SLC8A1: variants seen among roughly 807,000 people sequenced by gnomAD.
SLC8A1 encodes solute carrier family 8 member A1.
Under a neutral mutation model 68.3 loss-of-function variants are expected in SLC8A1, and 18 were observed. The observed-to-expected ratio is 0.26, with a 90% CI of 0.18 to 0.39. SLC8A1 has a LOEUF of 0.39. Ranked by LOEUF, SLC8A1 falls within the 10% of genes least tolerant of loss-of-function variation. SLC8A1 has a pLI of 1.00. For synonymous variants in SLC8A1, 475 were observed against 415.5 expected (o/e 1.14, Z -1.74); for missense variants, 985 against 1,156.7 (o/e 0.85, Z 2.15).
chr2:40,284,563 T>C lies in SLC8A1; in HGVS notation c.1809-106708A>G, dbSNP rs371520957. On this transcript the variant is annotated intron_variant, in intron 2 of 7. Coordinates refer to ENST00000406785, the Ensembl canonical transcript of SLC8A1. ...CTATTTATATATATGTTGTTATATA[T>C]ATTGTTATATATCTATATATAGATA... 1.8e-4 allele frequency among the ~76,000 whole-genome samples: 27 copies of C among 147,510 alleles called. No individual in the cohort carries two copies. In the East Asian group the frequency reaches 3.1e-3, roughly 17 times the overall value.
chr2:40,500,235 TC>T (rs1478754003), intron 1 of SLC8A1, among the ~76,000 whole-genome samples: 2 of 152,100 alleles, frequency 1.3e-5, no homozygotes, highest in African/African-American at 4.8e-5. Flanking sequence ...CTGGGTCAGA[TC>T]TTTGAATCAT....
chr2:40,203,343 A>G (rs147738864), intron 2 of SLC8A1, among the ~76,000 whole-genome samples: 1 of 152,136 alleles, frequency 6.6e-6, no homozygotes, highest in East Asian at 1.9e-4. Context: ...AAACAGCTAA[A>G]GAACTTTGTT....
At chr2:40,227,826 T>C (rs1342347003) in intron 2 of SLC8A1, among the ~76,000 whole-genome samples, 1 of 152,090 alleles carries the variant, frequency 6.6e-6, no homozygotes, top group Non-Finnish European at 1.5e-5. Context: ...CGGTGCTATA[T>C]ATGACCAACA....
At chr2:40,423,661 G>A (rs1285441391) in intron 2 of SLC8A1, among the ~76,000 whole-genome samples, 1 of 151,862 alleles carries the variant, frequency 6.6e-6, no homozygotes, top group Non-Finnish European at 1.5e-5. Flanking sequence ...ATAACCCCAA[G>A]CTTTAATTAG....
chr2:40,218,077 G>T (rs1011577924), intron 2 of SLC8A1, among the ~76,000 whole-genome samples: 2 of 141,430 alleles, frequency 1.4e-5, no homozygotes, highest in Non-Finnish European at 3.1e-5. Context: ...ACTATGGGAG[G>T]TTATATTTCA....
At chr2:40,280,585 G>C (rs2067365161) in intron 2 of SLC8A1, among the ~76,000 whole-genome samples, 2 of 152,160 alleles carry the variant, frequency 1.3e-5, no homozygotes, top group South Asian at 4.1e-4. Flanking sequence ...TTTGAAAGCA[G>C]AGTGACATTC....
In SLC8A1 at chr2:40,335,372, A is replaced by G. The variant is rs187825184; in HGVS notation, c.1808+93101T>C. Reference sequence around the variant, plus strand: ...ATCTACCATATATTGATGTATTTCAAATTCAGATATGGCTTCATCTGGAAA... The same window carrying G: ...ATCTACCATATATTGATGTATTTCAGATTCAGATATGGCTTCATCTGGAAA... On this transcript the variant is annotated intron_variant, in intron 2 of 7. Transcript: ENST00000406785. 2.6e-4 allele frequency among the ~76,000 whole-genome samples: 39 copies of G among 152,350 alleles called. 1 individual carries two copies. The highest frequency in any genetic ancestry group is 4.4e-5 in the Non-Finnish European group (3 of 68,032).
chr2:40,263,336 C>G (rs1275108942), intron 2 of SLC8A1, among the ~76,000 whole-genome samples: 1 of 152,056 alleles, frequency 6.6e-6, no homozygotes, highest in East Asian at 1.9e-4. Flanking sequence ...AGCTGTAATT[C>G]AATTGGAAAA....
intron 2 of SLC8A1, among the ~76,000 whole-genome samples, chr2:40,246,393 A>T (rs2061869455): frequency 6.6e-6 from 1 of 152,150 alleles, no homozygotes; most frequent in African/African-American, 2.4e-5. Flanking sequence ...GGGCAACTAA[A>T]TTTTTTTCTT....
chr2:40,353,011 G>C (rs1287521872), intron 2 of SLC8A1, among the ~76,000 whole-genome samples: 1 of 152,070 alleles, frequency 6.6e-6, no homozygotes, highest in South Asian at 2.1e-4. Flanking sequence ...TTATTTTTAA[G>C]GCCTTATCTT....
chr2:40,446,100 C>A (rs894444080), intron 1 of SLC8A1, among the ~76,000 whole-genome samples: 1 of 152,150 alleles, frequency 6.6e-6, no homozygotes, highest in South Asian at 2.1e-4. Context: ...GTAAAAGCAC[C>A]AGCATAACCA....
intron 1 of SLC8A1, chr2:40,512,252 T>G (rs1706787836): frequency 6.6e-6 from 1 of 152,344 alleles, no homozygotes; most frequent in African/African-American, 2.4e-5. Context: ...TTCAAAATAT[T>G]ATCTGGCACC....
At chr2:40,390,206 T>C (rs894703625) in intron 2 of SLC8A1, among the ~76,000 whole-genome samples, 9 of 152,154 alleles carry the variant, frequency 5.9e-5, no homozygotes, top group African/African-American at 1.9e-4. Context: ...AAGTGACAGA[T>C]TCACCTATCG....
intron 2 of SLC8A1, among the ~76,000 whole-genome samples, chr2:40,225,279 T>G (rs1411452938): frequency 6.6e-6 from 1 of 152,158 alleles, no homozygotes; most frequent in Non-Finnish European, 1.5e-5. Flanking sequence ...ATTTCCCTAT[T>G]TGTATAGTGG....
chr2:40,294,551 G>A (rs895475867), intron 2 of SLC8A1, among the ~76,000 whole-genome samples: 1 of 151,970 alleles, frequency 6.6e-6, no homozygotes, highest in Non-Finnish European at 1.5e-5. Context: ...TATATATATG[G>A]GGAGAGAGAG....
At chr2:40,495,935 A>C (rs1054240376) in intron 1 of SLC8A1, among the ~76,000 whole-genome samples, 1 of 152,124 alleles carries the variant, frequency 6.6e-6, no homozygotes, top group African/African-American at 2.4e-5. Context: ...TGTGATTCTC[A>C]GGCAACAAAA....
chr2:40,320,223 C>T (rs148607927), intron 2 of SLC8A1, among the ~76,000 whole-genome samples: 1 of 151,852 alleles, frequency 6.6e-6, no homozygotes, highest in African/African-American at 2.4e-5. Flanking sequence ...ATTGTTTTTC[C>T]CTTTCAGAAA....
intron 2 of SLC8A1, among the ~76,000 whole-genome samples, chr2:40,356,216 C>G (rs1167610357): frequency 1.3e-5 from 2 of 152,170 alleles, no homozygotes; most frequent in Non-Finnish European, 2.9e-5. Context: ...CTGCCTCCCT[C>G]CTTGAGGGTA....
In SLC8A1 at chr2:40,174,809, C is replaced by G; in HGVS notation, c.1930+16G>C. 1 of 1,609,046 alleles carries G rather than the reference C, an allele frequency of 6.2e-7. No individual in the cohort carries two copies. The highest frequency in any genetic ancestry group is 8.5e-7 in the Non-Finnish European group (1 of 1,176,000). On this transcript the variant is annotated intron_variant, in intron 4 of 7. Coordinates refer to ENST00000406785, the Ensembl canonical transcript of SLC8A1. Reference sequence around the variant, plus strand: ...ACAGTAAAAGTTAGATAGCATTAGACTTGAAAAATTCATACCTGTTATTGT... The same window carrying G: ...ACAGTAAAAGTTAGATAGCATTAGAGTTGAAAAATTCATACCTGTTATTGT...
Sources: allele counts gnomAD v4.1 joint callset (sites outside exome capture counted in the v4.1 genomes callset), GRCh38; gene constraint gnomAD v4.1.1; transcripts MANE v1.5; gene names NCBI Gene and HGNC (gene_info 2026-07-23, HGNC 2026-07-21).